Variants in OXR1 observed in about 807,000 individuals in gnomAD.
OXR1 encodes oxidation resistance 1.
A neutral mutation model predicts 104.6 loss-of-function variants in OXR1; 41 were observed. The observed-to-expected ratio is 0.39, with a 90% CI of 0.31 to 0.51. OXR1 has a LOEUF of 0.51. Ranked by LOEUF, OXR1 falls within the 20% of genes least tolerant of loss-of-function variation. The pLI is 0.77. For synonymous variants in OXR1, 348 were observed against 348.4 expected (o/e 1.00, Z 0.01); for missense variants, 955 against 1,031.9 (o/e 0.93, Z 1.02).
Position 106,727,898 on chromosome 8 carries a change from T to C in OXR1, c.1957-9622T>C, listed in dbSNP as rs1833504452. ...AATTATTTCCCATTTTGAAGACTAG[T>C]TGAAGCATGGAGTGGTCACTGAACT... On this transcript the variant is annotated intron_variant, in intron 11 of 16. Transcript: ENST00000517566. Among the ~76,000 whole-genome samples the C allele has an allele frequency of 2.0e-5, 3 of 152,292 alleles. No homozygotes were observed. In the South Asian group the frequency reaches 6.2e-4, roughly 32 times the overall value.
chr8:106,358,275 A>G (rs562953453), intron 1 of OXR1, among the ~76,000 whole-genome samples: 158 of 152,214 alleles, frequency 1.0e-3, no homozygotes, highest in Non-Finnish European at 1.5e-3. Flanking sequence ...TCAGGTCGAG[A>G]TTTATTTGTA....
intron 2 of OXR1, among the ~76,000 whole-genome samples, chr8:106,465,371 A>T (rs1013275654): frequency 6.6e-6 from 1 of 151,994 alleles, no homozygotes; most frequent in African/African-American, 2.4e-5. Flanking sequence ...TAAGAGGTCA[A>T]ACCATGTACA....
At chr8:106,506,486 A>T (rs62516888) in intron 2 of OXR1, among the ~76,000 whole-genome samples, 1 of 151,894 alleles carries the variant, frequency 6.6e-6, no homozygotes, top group Non-Finnish European at 1.5e-5. Context: ...GGTGGCGGGC[A>T]CCTGTAGTCC....
At chr8:106,303,248 CTTTTTTTTTTTT>C (rs1164596413) in intron 1 of OXR1, among the ~76,000 whole-genome samples, 1 of 92,336 alleles carries the variant, frequency 1.1e-5, no homozygotes, top group East Asian at 3.1e-4. Context: ...TTTTTTCTTT[CTTTTTTTTTTTT>C]TTTTTTTTTT....
chr8:106,527,021 T>TCCA (rs1813739249), intron 3 of OXR1, among the ~76,000 whole-genome samples: 1 of 152,204 alleles, frequency 6.6e-6, no homozygotes, highest in Non-Finnish European at 1.5e-5. Context: ...GTGAGGAACT[T>TCCA]GGCCTTGAGA....
At chr8:106,389,326 G>A (rs184341450) in intron 2 of OXR1, among the ~76,000 whole-genome samples, 1 of 152,238 alleles carries the variant, frequency 6.6e-6, no homozygotes, top group East Asian at 1.9e-4. Context: ...TAGGCTATTT[G>A]GTAAGTTAAA....
In OXR1 at chr8:106,518,963, C is replaced by T. The variant is rs200383158; in HGVS notation, c.44C>T (p.Ser15Leu). The change falls in exon 3 of 17, where the codon TCG becomes TTG. Residue 15 changes from serine (S) to leucine (L), a missense_variant. This residue lies in a region of OXR1 where 849 missense variants were observed against 852.9 expected (regional missense o/e 1.00). Coordinates refer to ENST00000517566, the MANE Select transcript of OXR1 (RefSeq NM_001198533.2). Reference sequence around the variant, plus strand: ...TGTAGGCTGAAGAAAAAGTCCCAGTCGGTGGATATTAATGCTCCAGGGTTC... The same window carrying T: ...TGTAGGCTGAAGAAAAAGTCCCAGTTGGTGGATATTAATGCTCCAGGGTTC... ...NLSWLKKKSQ[S>L]VDINAPGFNP... 10 of 1,550,782 alleles carry T rather than the reference C, an allele frequency of 6.4e-6. No homozygotes were observed. Among genetic ancestry groups the T allele is most frequent in the Middle Eastern group, 3.3e-4 (2 of 5,986 alleles).
intron 2 of OXR1, among the ~76,000 whole-genome samples, chr8:106,404,070 G>A (rs1366511720): frequency 6.6e-6 from 1 of 152,058 alleles, no homozygotes; most frequent in African/African-American, 2.4e-5. Flanking sequence ...CAGACAAAGT[G>A]GTATAGGGTT....
chr8:106,492,149 T>G (rs1329097397), intron 2 of OXR1, among the ~76,000 whole-genome samples: 1 of 152,176 alleles, frequency 6.6e-6, no homozygotes, highest in Non-Finnish European at 1.5e-5. Context: ...AAATTTAAAA[T>G]TCCCCTGATA....
intron 7 of OXR1, among the ~76,000 whole-genome samples, chr8:106,694,393 T>TTATATATTTATATATATATTTATA (rs1213734676): frequency 1.4e-5 from 2 of 141,856 alleles, no homozygotes; most frequent in African/African-American, 2.6e-5. Flanking sequence ...TTGCCATACA[T>TTATATATTTATATATATATTTATA]TATATATTTA....
intron 1 of OXR1, among the ~76,000 whole-genome samples, chr8:106,285,192 G>A (rs753284955): frequency 3.7e-4 from 57 of 152,144 alleles, no homozygotes; most frequent in Non-Finnish European, 6.6e-4. Flanking sequence ...TAGCAAACAT[G>A]AGCCAAAGTC....
At chr8:106,421,547 C>T (rs1209019599) in intron 2 of OXR1, among the ~76,000 whole-genome samples, 1 of 152,108 alleles carries the variant, frequency 6.6e-6, no homozygotes, top group Non-Finnish European at 1.5e-5. Context: ...TCACATGGTT[C>T]TCACATGCCC....
intron 2 of OXR1, among the ~76,000 whole-genome samples, chr8:106,418,448 T>C (rs1818769017): frequency 6.6e-6 from 1 of 152,110 alleles, no homozygotes; most frequent in South Asian, 2.1e-4. Context: ...AGATAACCAC[T>C]GTCAACATTT....
intron 2 of OXR1, among the ~76,000 whole-genome samples, chr8:106,455,499 G>A (rs866344407): frequency 3.2e-4 from 49 of 152,252 alleles, no homozygotes; most frequent in Middle Eastern, 3.4e-3. Context: ...CTTTAAAACT[G>A]TCTTCTCATT....
chr8:106,725,533 G>A (rs1028110774), intron 11 of OXR1, among the ~76,000 whole-genome samples: 2 of 152,130 alleles, frequency 1.3e-5, no homozygotes, highest in Non-Finnish European at 2.9e-5. Flanking sequence ...TGAAGTATAT[G>A]TAGGCATAGT....
chr8:106,335,247 T>C (rs1814909879), intron 1 of OXR1, among the ~76,000 whole-genome samples: 1 of 152,176 alleles, frequency 6.6e-6, no homozygotes, highest in South Asian at 2.1e-4. Context: ...CTTTTTCTGT[T>C]TGATGGCTTT....
chr8:106,638,591 A>C (rs1380114893), intron 3 of OXR1, among the ~76,000 whole-genome samples: 1 of 152,006 alleles, frequency 6.6e-6, no homozygotes, highest in African/African-American at 2.4e-5. Flanking sequence ...AGAACCACCC[A>C]CCCAGGGATG....
intron 11 of OXR1, among the ~76,000 whole-genome samples, chr8:106,721,887 T>C (rs550552025): frequency 6.6e-6 from 1 of 152,322 alleles, no homozygotes; most frequent in Admixed American, 6.5e-5. Context: ...TTGTTGGATT[T>C]GGTTTTTCAC....
At chr8:106,622,485 A>ACCCC (rs1554605211) in intron 3 of OXR1, among the ~76,000 whole-genome samples, 13 of 131,558 alleles carry the variant, frequency 9.9e-5, no homozygotes, top group East Asian at 4.5e-4. Flanking sequence ...ACACACACAC[A>ACCCC]CCCCTTACTT....
Sources: allele counts gnomAD v4.1 joint callset (sites outside exome capture counted in the v4.1 genomes callset), GRCh38; gene constraint gnomAD v4.1.1; regional missense constraint gnomAD v4.1.1; transcripts MANE v1.5; gene names NCBI Gene and HGNC (gene_info 2026-07-23, HGNC 2026-07-21).